SLC14A2: variants seen among roughly 807,000 people sequenced by gnomAD.
SLC14A2 encodes the protein solute carrier family 14 member 2, also known as urea transporter 2.
A neutral mutation model predicts 104.6 loss-of-function variants in SLC14A2; 91 were observed. That is an observed-to-expected ratio of 0.87 (90% CI 0.73 to 1.04). The LOEUF is 1.04. Ranked by LOEUF, SLC14A2 falls within the 50% of genes least tolerant of loss-of-function variation. The probability of loss-of-function intolerance (pLI) is 0.00; values close to 1 mark genes in which losing one functional copy is unlikely to be tolerated. For synonymous variants in SLC14A2, 476 were observed against 466.4 expected (o/e 1.02, Z -0.27); for missense variants, 1,189 against 1,156.0 (o/e 1.03, Z -0.41).
the SLC14A2 span, among the ~76,000 whole-genome samples, chr18:45,194,239 T>A: frequency 7.2e-5 from 11 of 152,224 alleles, no homozygotes; most frequent in Non-Finnish European, 1.6e-4. Context: ...TAATGCTGAC[T>A]AGAAGTGATG....
intron 1 of SLC14A2, among the ~76,000 whole-genome samples, chr18:45,342,700 T>C (rs1310922397): frequency 2.0e-5 from 3 of 152,216 alleles, no homozygotes; most frequent in Non-Finnish European, 4.4e-5. Context: ...AATTCAACTA[T>C]TCAAGACATA....
intron 2 of SLC14A2, chr18:45,528,170 T>G: frequency 5.5e-5 from 3 of 54,074 alleles, no homozygotes; most frequent in African/African-American, 2.0e-4. Context: ...ACAACACCTG[T>G]GTGTGTGTGT....
chr18:45,678,954 C>CTTTTTTTTT (rs72437878), intron 18 of SLC14A2, 21 bp from the exon 19 acceptor site: 54 of 1,436,468 alleles, frequency 3.8e-5, no homozygotes, highest in East Asian at 1.7e-4. Context: ...CTATTTCTTT[C>CTTTTTTTTT]TTTTTTTTTT....
intron 1 of SLC14A2, among the ~76,000 whole-genome samples, chr18:45,269,872 T>C (rs2084632566): frequency 6.6e-6 from 1 of 152,236 alleles, no homozygotes; most frequent in East Asian, 1.9e-4. Context: ...TTATTTATCA[T>C]GTATTAGAGA....
At chr18:45,298,370 G>A (rs2084936644) in intron 1 of SLC14A2, among the ~76,000 whole-genome samples, 1 of 152,180 alleles carries the variant, frequency 6.6e-6, no homozygotes, top group Admixed American at 6.5e-5. Flanking sequence ...TTTCCCCTTT[G>A]ATGCGGATAT....
At chr18:45,373,624 A>G (rs1055164873) in intron 1 of SLC14A2, among the ~76,000 whole-genome samples, 2 of 152,240 alleles carry the variant, frequency 1.3e-5, no homozygotes, top group Admixed American at 1.3e-4. Flanking sequence ...TCCTGTTTCT[A>G]CATGCCCACA....
chr18:45,344,642 G>GTTTTT (rs1287847863), intron 1 of SLC14A2, among the ~76,000 whole-genome samples: 9 of 152,112 alleles, frequency 5.9e-5, no homozygotes, highest in African/African-American at 2.2e-4. Flanking sequence ...AGTCAGTAAG[G>GTTTTT]TACCTTATGA....
chr18:45,654,141 G>GGT (rs370033804), intron 10 of SLC14A2, among the ~76,000 whole-genome samples: 19 of 148,636 alleles, frequency 1.3e-4, no homozygotes, highest in Non-Finnish European at 2.2e-4. Flanking sequence ...GAATGCTGGG[G>GGT]GGGACGTGGG....
Position 45,321,012 on chromosome 18 carries a change from C to T in SLC14A2, c.-125+107821C>T, listed in dbSNP as rs564979016. 2.0e-5 allele frequency among the ~76,000 whole-genome samples: 3 copies of T among 152,330 alleles called. No homozygotes were observed. The East Asian group carries it at 5.8e-4, about 29-fold the overall frequency. On this transcript the variant is annotated intron_variant, in intron 1 of 20. Transcript: ENST00000586448. The stretch of plus-strand genomic sequence containing the variant: ...GGCAACAAGACATTGAACCAGGGTT[C>T]TTAGCTGCAGCCCTAGTTAGAGAAT...
At chr18:45,548,411 A>G (rs66710648) in intron 2 of SLC14A2, among the ~76,000 whole-genome samples, 30,914 of 152,226 alleles carry the variant, frequency 0.2, 3,159 homozygotes, top group Admixed American at 0.21. Flanking sequence ...TGATTAAATA[A>G]TCACAAATTT....
intron 2 of SLC14A2, among the ~76,000 whole-genome samples, chr18:45,504,432 G>T (rs1477815902): frequency 6.6e-6 from 1 of 152,134 alleles, no homozygotes; most frequent in Non-Finnish European, 1.5e-5. Flanking sequence ...ATATGGTAAG[G>T]GATGGGACCC....
chr18:45,280,501 G>A lies in SLC14A2; in HGVS notation c.-125+67310G>A, dbSNP rs189299957. Among the ~76,000 whole-genome samples, 69 of 151,982 alleles carry A rather than the reference G, an allele frequency of 4.5e-4. 1 individual carries two copies. The highest frequency in any genetic ancestry group is 2.0e-3 in the Admixed American group (31 of 15,270). On this transcript the variant is annotated intron_variant, in intron 1 of 20. Transcript: ENST00000586448. The stretch of plus-strand genomic sequence containing the variant: ...CCACCATACTGGGGTCTCCAGCCTC[G>A]AAGGCCACAGATTGAAGTGTGGTCC...
At chr18:45,446,227 G>A (rs561613379) in intron 1 of SLC14A2, among the ~76,000 whole-genome samples, 1 of 152,220 alleles carries the variant, frequency 6.6e-6, no homozygotes, top group Non-Finnish European at 1.5e-5. Flanking sequence ...GTTATGGATA[G>A]AATGTTTGTG....
chr18:45,610,450 C>T (rs550099011), intron 2 of SLC14A2, among the ~76,000 whole-genome samples: 45 of 152,244 alleles, frequency 3.0e-4, no homozygotes, highest in Admixed American at 2.9e-3. Flanking sequence ...GGAAGGGACC[C>T]GGTCATCAGC....
chr18:45,599,247 C>T (rs1270807631), intron 2 of SLC14A2, among the ~76,000 whole-genome samples: 2 of 152,176 alleles, frequency 1.3e-5, no homozygotes, highest in African/African-American at 2.4e-5. Flanking sequence ...CAGGAGTAAT[C>T]GCTAATAACC....
At chr18:45,611,280 C>T (rs887402059), upstream of SLC14A2, among the ~76,000 whole-genome samples, 2 of 152,234 alleles carry the variant, frequency 1.3e-5, no homozygotes. Context: ...GTCCCGATTT[C>T]TACCCCCTCC....
chr18:45,578,799 C>G (rs1235470469), intron 2 of SLC14A2, among the ~76,000 whole-genome samples: 1 of 152,204 alleles, frequency 6.6e-6, no homozygotes, highest in African/African-American at 2.4e-5. Context: ...TATCAGTTAG[C>G]TAGAGCTGTG....
At chr18:45,323,345 G>C (rs751979786) in intron 1 of SLC14A2, among the ~76,000 whole-genome samples, 58 of 152,122 alleles carry the variant, frequency 3.8e-4, no homozygotes, top group Non-Finnish European at 6.6e-4. Flanking sequence ...CTCTCCCAAG[G>C]AGCCACCATT....
At chr18:45,624,291 G>A (rs16978430) in intron 1 of SLC14A2, among the ~76,000 whole-genome samples, 25,390 of 152,050 alleles carry the variant, frequency 0.17, 3,484 homozygotes, top group African/African-American at 0.37. Flanking sequence ...GGGAACATAC[G>A]TGTACCACTA....
Sources: gnomAD v4.1 joint callset for allele counts (sites outside exome capture counted in the v4.1 genomes callset) on GRCh38, gnomAD v4.1.1 for gene constraint, MANE v1.5 for transcripts, NCBI Gene and HGNC (gene_info 2026-07-23, HGNC 2026-07-21) for gene names.